Variants in NEDD1 observed in about 807,000 individuals in gnomAD.
NEDD1 encodes the protein NEDD1 gamma-tubulin ring complex targeting factor, also known as protein NEDD1.
A neutral mutation model predicts 74.0 loss-of-function variants in NEDD1; 33 were observed. The ratio of observed to expected loss-of-function variants is 0.45; its 90% CI spans 0.34 to 0.60. The LOEUF is 0.60. Ranked by LOEUF, NEDD1 falls within the 20% of genes least tolerant of loss-of-function variation. The pLI is 0.01. For synonymous variants in NEDD1, 250 were observed against 264.4 expected (o/e 0.95, Z 0.53); for missense variants, 746 against 776.5 (o/e 0.96, Z 0.47).
intron 9 of NEDD1, 123 bp downstream of exon 9, chr12:96,937,516 G>C: frequency 2.2e-6 from 1 of 464,242 alleles, no homozygotes; most frequent in South Asian, 5.7e-5. Flanking sequence ...TGAGTACTTA[G>C]GTAAAATTAG....
chr12:96,913,795 T>C (rs1202203639), intron 4 of NEDD1, among the ~76,000 whole-genome samples: 6 of 152,170 alleles, frequency 3.9e-5, no homozygotes, highest in Non-Finnish European at 5.9e-5. Context: ...TAAAAAGATA[T>C]GGTAGTTGAT....
chr12:96,928,782 G>T (rs1876013072), intron 6 of NEDD1, among the ~76,000 whole-genome samples: 1 of 149,628 alleles, frequency 6.7e-6, no homozygotes, highest in Non-Finnish European at 1.5e-5. Flanking sequence ...CGCCTCCTGG[G>T]TTCACACCAT....
rs573972491 is a variant in NEDD1 at position 96,908,655 on chromosome 12, G to C, written c.-9+799G>C. ...AATGATTGAAGGCATCGTAGTCCAAGTATTGGTATAGGGACTTAGTGGCGT... is the reference window on the plus strand; with the variant it reads ...AATGATTGAAGGCATCGTAGTCCAACTATTGGTATAGGGACTTAGTGGCGT... On this transcript the variant is annotated intron_variant, in intron 2 of 15. Coordinates refer to ENST00000266742, the MANE Select transcript of NEDD1 (RefSeq NM_152905.4). Among the ~76,000 whole-genome samples the C allele has an allele frequency of 1.1e-4, 16 of 152,306 alleles. No individual in the cohort carries two copies. The East Asian group carries it at 2.9e-3, about 28-fold the overall frequency.
At chr12:96,932,463 A>AATATATATATATATATATAT (rs1555203253) in intron 6 of NEDD1, among the ~76,000 whole-genome samples, 15 of 9,426 alleles carry the variant, frequency 1.6e-3, no homozygotes, top group South Asian at 3.5e-3. Context: ...AAAAAAAAAA[A>AATATATATATATATATATAT]ATATATATAT....
intron 3 of NEDD1, among the ~76,000 whole-genome samples, chr12:96,910,328 A>G (rs1047511505): frequency 1.3e-5 from 2 of 152,212 alleles, no homozygotes; most frequent in African/African-American, 4.8e-5. Flanking sequence ...AGGCAGAAGC[A>G]AGTTGGGGAG....
chr12:96,938,805 T>C (rs1000362817), intron 9 of NEDD1, among the ~76,000 whole-genome samples: 4 of 122,438 alleles, frequency 3.3e-5, no homozygotes, highest in Admixed American at 8.2e-5. Flanking sequence ...TTTCTCTTCC[T>C]CTCTCTGTCT....
chr12:96,931,551 T>C (rs938972049), intron 6 of NEDD1, among the ~76,000 whole-genome samples: 3 of 152,190 alleles, frequency 2.0e-5, no homozygotes, highest in African/African-American at 4.8e-5. Flanking sequence ...ACTGAGAACC[T>C]TTAAGGCATG....
At chr12:96,921,140 A>G (rs1875037060) in intron 6 of NEDD1, among the ~76,000 whole-genome samples, 1 of 152,088 alleles carries the variant, frequency 6.6e-6, no homozygotes, top group Non-Finnish European at 1.5e-5. Flanking sequence ...CTCTTTGCCA[A>G]TTATTTGTTT....
At chr12:96,917,038 A>G (rs1311657276) in intron 4 of NEDD1, among the ~76,000 whole-genome samples, 1 of 152,174 alleles carries the variant, frequency 6.6e-6, no homozygotes. Flanking sequence ...GAGAAACTGG[A>G]TGGTGTCTTT....
intron 7 of NEDD1, among the ~76,000 whole-genome samples, chr12:96,936,391 AG>A (rs11295574): frequency 0.45 from 68,173 of 152,048 alleles, 15,448 homozygotes; most frequent in South Asian, 0.52. Context: ...TGAATAGAAA[AG>A]TAAGATGGAA....
chr12:96,951,427 C>T lies in NEDD1; in HGVS notation c.1812-5C>T, dbSNP rs771422000. 3.4e-5 allele frequency: 51 copies of T among 1,521,178 alleles called. No homozygotes were observed. The highest frequency in any genetic ancestry group is 4.4e-5 in the Non-Finnish European group (49 of 1,105,476). 94.2% of individuals were successfully genotyped at this position (1,521,178 alleles called of 1,614,324 possible). On this transcript the variant is annotated splice_region_variant and splice_polypyrimidine_tract_variant and intron_variant, in intron 14 of 15. Coordinates refer to ENST00000266742, the MANE Select transcript of NEDD1 (RefSeq NM_152905.4). ...ATTCTAAAAAGTATTTTACATTCTT[C>T]CTAGAGAAGCATGCCATAGGGACAT...
At chr12:96,948,214 A>T (rs555746870) in intron 14 of NEDD1, among the ~76,000 whole-genome samples, 2 of 152,004 alleles carry the variant, frequency 1.3e-5, no homozygotes, top group Non-Finnish European at 2.9e-5. Context: ...TATCTTAGGG[A>T]GTCTCCCTCA....
At chr12:96,920,354 TATACAGCATAATAAA>T (rs1874938748) in intron 6 of NEDD1, among the ~76,000 whole-genome samples, 2 of 152,000 alleles carry the variant, frequency 1.3e-5, no homozygotes, top group African/African-American at 4.8e-5. Flanking sequence ...ACTATAACTA[TATACAGCATAATAAA>T]ATACAAATAG....
chr12:96,938,407 T>TGTTGAATA (rs1292968739), intron 9 of NEDD1, among the ~76,000 whole-genome samples: 5 of 152,092 alleles, frequency 3.3e-5, no homozygotes, highest in Non-Finnish European at 7.4e-5. Flanking sequence ...GAATTAACTA[T>TGTTGAATA]ATTATGAAAA....
Position 96,918,061 on chromosome 12 carries a change from G to A in NEDD1, c.348+324G>A, listed in dbSNP as rs965591484. ...TGGTCATCAGGGATCTTTCCTTAGGGCCAGGTGGAAAAAATGAGAGTTGTT... is the reference window on the plus strand; with the variant it reads ...TGGTCATCAGGGATCTTTCCTTAGGACCAGGTGGAAAAAATGAGAGTTGTT... On this transcript the variant is annotated intron_variant, in intron 5 of 15. Coordinates refer to ENST00000266742, the MANE Select transcript of NEDD1 (RefSeq NM_152905.4). 4.0e-5 allele frequency among the ~76,000 whole-genome samples: 6 copies of A among 151,860 alleles called. No homozygotes were observed. In the East Asian group the frequency reaches 1.2e-3, roughly 29 times the overall value.
chr12:96,950,579 TTAAATATAAGC>T (rs1878620138), intron 14 of NEDD1, among the ~76,000 whole-genome samples: 1 of 151,990 alleles, frequency 6.6e-6, no homozygotes. Flanking sequence ...GAATTATTTC[TTAAATATAAGC>T]TATATGGTAC....
chr12:96,949,097 T>G (rs1878468422), intron 14 of NEDD1, among the ~76,000 whole-genome samples: 1 of 152,136 alleles, frequency 6.6e-6, no homozygotes, highest in Non-Finnish European at 1.5e-5. Context: ...CGAGACTATC[T>G]CAACCTCCAG....
intron 4 of NEDD1, among the ~76,000 whole-genome samples, chr12:96,917,180 T>C (rs1163779057): frequency 1.3e-5 from 2 of 152,178 alleles, no homozygotes; most frequent in Non-Finnish European, 2.9e-5. Context: ...ATCCCATCGG[T>C]AAAATGAGGG....
At chr12:96,935,372 A>G (rs974007125) in intron 7 of NEDD1, among the ~76,000 whole-genome samples, 167 bp downstream of exon 7, 1 of 152,222 alleles carries the variant, frequency 6.6e-6, no homozygotes, top group Non-Finnish European at 1.5e-5. Context: ...AGAAAGAAAT[A>G]GATGGGTTGC....
Sources: gnomAD v4.1 joint callset for allele counts (sites outside exome capture counted in the v4.1 genomes callset) on GRCh38, gnomAD v4.1.1 for gene constraint, MANE v1.5 for transcripts, NCBI Gene and HGNC (gene_info 2026-07-23, HGNC 2026-07-21) for gene names.